FGD4: variants seen among roughly 807,000 people sequenced by gnomAD.
FGD4 encodes FYVE, RhoGEF and PH domain containing 4, also known as FYVE, RhoGEF and PH domain-containing protein 4.
A neutral mutation model predicts 102.0 loss-of-function variants in FGD4; 42 were observed. The ratio of observed to expected loss-of-function variants is 0.41; its 90% CI spans 0.32 to 0.53. The LOEUF (loss-of-function observed/expected upper bound fraction) is 0.53, where lower values mean the gene tolerates loss of function less well. FGD4 is among the 20% of genes least tolerant of loss of function. FGD4 has a pLI of 0.21. For missense variants in FGD4, 902 were observed against 1,078.2 expected (o/e 0.84, Z 2.29); for synonymous variants, 380 against 375.7 (o/e 1.01, Z -0.13).
intron 1 of FGD4, among the ~76,000 whole-genome samples, chr12:32,498,101 A>C (rs1284494939): frequency 3.9e-5 from 6 of 152,182 alleles, no homozygotes; most frequent in Admixed American, 3.9e-4. Flanking sequence ...AGGTTTCTGA[A>C]TTTATAATTA....
At chr12:32,513,663 G>A (rs749848382) in intron 1 of FGD4, among the ~76,000 whole-genome samples, 2 of 152,206 alleles carry the variant, frequency 1.3e-5, no homozygotes, top group African/African-American at 2.4e-5. Context: ...AGGAGTAAAA[G>A]TGCCAGGACT....
intron 1 of FGD4, among the ~76,000 whole-genome samples, chr12:32,491,919 T>G (rs567076550): frequency 9.2e-5 from 14 of 152,328 alleles, no homozygotes; most frequent in African/African-American, 2.2e-4. Context: ...GTGTTGTCCA[T>G]TTTTAAAAGA....
intron 1 of FGD4, among the ~76,000 whole-genome samples, chr12:32,446,751 A>T (rs959939405): frequency 3.3e-5 from 5 of 152,174 alleles, no homozygotes; most frequent in African/African-American, 1.2e-4. Flanking sequence ...GAGAAACAGG[A>T]CACAATACCT....
In FGD4 at chr12:32,598,596, T is replaced by C; in HGVS notation, c.1101+10T>C. 2 of 1,602,348 alleles carry C rather than the reference T, an allele frequency of 1.2e-6. No individual in the cohort carries two copies. The highest frequency in any genetic ancestry group is 2.2e-5 in the South Asian group (2 of 90,808). On this transcript the variant is annotated intron_variant, in intron 5 of 16. Coordinates refer to ENST00000534526, the MANE Select transcript of FGD4 (RefSeq NM_001370298.3). ...TGACCTCTTAGATCAGGTAAGATTT[T>C]CTTTCTCAGAATTATTTTATATTTT...
chr12:32,475,517 T>C (rs1413781049), intron 1 of FGD4, among the ~76,000 whole-genome samples: 3 of 152,190 alleles, frequency 2.0e-5, no homozygotes, highest in Admixed American at 2.0e-4. Flanking sequence ...AGCCTTTTGG[T>C]CTAGTTATGT....
At chr12:32,572,830 C>A (rs1945783559) in intron 2 of FGD4, among the ~76,000 whole-genome samples, 1 of 152,092 alleles carries the variant, frequency 6.6e-6, no homozygotes, top group Non-Finnish European at 1.5e-5. Flanking sequence ...GTGTTTATGT[C>A]AGTTTAATTA....
At position 32,638,212 on chromosome 12, in the gene FGD4, A is replaced by G. The variant is rs1324676714; in HGVS notation, c.2314-443A>G. Among the ~76,000 whole-genome samples, 3 of 152,080 alleles carry G rather than the reference A, an allele frequency of 2.0e-5. No individual in the cohort carries two copies. The East Asian group carries it at 5.8e-4, about 29-fold the overall frequency. ...CCCTGTTTCTACAAAAAATTTAAAAATTCTCTCCCAGCTACTTGAGAGGCT... is the reference window on the plus strand; with the variant it reads ...CCCTGTTTCTACAAAAAATTTAAAAGTTCTCTCCCAGCTACTTGAGAGGCT... On this transcript the variant is annotated intron_variant, in intron 15 of 16. Coordinates refer to ENST00000534526, the MANE Select transcript of FGD4 (RefSeq NM_001370298.3).
intron 2 of FGD4, among the ~76,000 whole-genome samples, chr12:32,565,844 G>C (rs1181692706): frequency 6.6e-6 from 1 of 152,094 alleles, no homozygotes; most frequent in Non-Finnish European, 1.5e-5. Flanking sequence ...TCTAACTAAA[G>C]GGAATATTTG....
intron 1 of FGD4, among the ~76,000 whole-genome samples, chr12:32,552,015 G>A (rs1943706506): frequency 6.6e-6 from 1 of 152,172 alleles, no homozygotes; most frequent in Non-Finnish European, 1.5e-5. Context: ...AGCTGTAAAA[G>A]AAGGGACCAA....
intron 1 of FGD4, among the ~76,000 whole-genome samples, chr12:32,537,299 G>T (rs1176613417): frequency 1.3e-5 from 2 of 152,072 alleles, no homozygotes; most frequent in Non-Finnish European, 2.9e-5. Flanking sequence ...AACAAATCTT[G>T]CTTCAAGATA....
chr12:32,534,183 C>CTTTG, intron 1 of FGD4: 1 of 657,002 alleles, frequency 1.5e-6, no homozygotes, highest in African/African-American at 1.9e-5. Flanking sequence ...GTTTACTTTA[C>CTTTG]TTTGATAAAT....
chr12:32,460,635 G>A (rs529208841), intron 1 of FGD4, among the ~76,000 whole-genome samples: 2 of 152,322 alleles, frequency 1.3e-5, no homozygotes, highest in South Asian at 4.1e-4. Flanking sequence ...ATTGCATGAT[G>A]AAAACTTGAA....
At chr12:32,507,595 A>T (rs1383780478) in intron 1 of FGD4, among the ~76,000 whole-genome samples, 1 of 152,242 alleles carries the variant, frequency 6.6e-6, no homozygotes, top group Non-Finnish European at 1.5e-5. Context: ...TTAATCCCGA[A>T]TGTGTGTTCT....
chr12:32,601,898 G>A (rs967979962), intron 6 of FGD4, among the ~76,000 whole-genome samples: 3 of 152,190 alleles, frequency 2.0e-5, no homozygotes, highest in African/African-American at 7.2e-5. Flanking sequence ...CTTGAGCCCA[G>A]GAGTTCAAGA....
At chr12:32,624,871 T>G (rs1950054582) in intron 12 of FGD4, 105 bp from the exon 13 acceptor site, 4 of 990,198 alleles carry the variant, frequency 4.0e-6, no homozygotes, top group Non-Finnish European at 4.8e-6. Flanking sequence ...CAGGTTCACT[T>G]AATTTTCAAA....
intron 4 of FGD4, among the ~76,000 whole-genome samples, chr12:32,585,957 A>G (rs1946997250): frequency 6.6e-6 from 1 of 151,188 alleles, no homozygotes; most frequent in Admixed American, 6.6e-5. Flanking sequence ...CAAGGATGGG[A>G]GATTGCTGGG....
rs1943107928 is a variant in FGD4 at position 32,544,768 on chromosome 12, G to T, written c.167-19369G>T. ...ATTACTATTAAAATTAGTCTTCATG[G>T]TGTTTTGGTGAACTTTAGCTTACCA... On this transcript the variant is annotated intron_variant, in intron 1 of 16. Transcript: ENST00000534526. The surrounding 1 kb of genome is among the most constrained non-coding windows in gnomAD (Gnocchi z 4.1). Among the ~76,000 whole-genome samples the T allele has an allele frequency of 6.6e-6, 1 of 151,950 alleles. No homozygotes were observed.
chr12:32,411,224 C>T (rs1941194180), intron 1 of FGD4, among the ~76,000 whole-genome samples: 1 of 151,792 alleles, frequency 6.6e-6, no homozygotes, highest in Non-Finnish European at 1.5e-5. Flanking sequence ...CCACTGCGCC[C>T]GGCCGCTCAT....
At chr12:32,550,915 G>A (rs1412011956) in intron 1 of FGD4, among the ~76,000 whole-genome samples, 1 of 152,138 alleles carries the variant, frequency 6.6e-6, no homozygotes, top group Non-Finnish European at 1.5e-5. Flanking sequence ...ATTACCTGCA[G>A]TAAATTCAGC....
Sources: gnomAD v4.1 joint callset for allele counts (sites outside exome capture counted in the v4.1 genomes callset) on GRCh38, gnomAD v4.1.1 for gene constraint, Gnocchi (gnomAD v3.1) non-coding constraint, MANE v1.5 for transcripts, NCBI Gene and HGNC (gene_info 2026-07-23, HGNC 2026-07-21) for gene names.